Variants in TIGAR observed in about 807,000 individuals in gnomAD.
The protein encoded by TIGAR is TP53 induced glycolysis regulatory phosphatase, also known as fructose-2,6-bisphosphatase TIGAR.
A neutral mutation model predicts 17.9 loss-of-function variants in TIGAR; 7 were observed. That is an observed-to-expected ratio of 0.39 (90% CI 0.22 to 0.73). TIGAR has a LOEUF of 0.73. Among genes scored for constraint, TIGAR ranks in the 30% least tolerant of loss-of-function variants. The pLI, the probability that TIGAR is intolerant of heterozygous loss-of-function variation, is 0.42. For missense variants in TIGAR, 258 were observed against 327.4 expected (o/e 0.79, Z 1.64); for synonymous variants, 94 against 108.6 (o/e 0.87, Z 0.84).
rs528203442 is a variant in TIGAR at position 4,333,571 on chromosome 12, C to T, written c.70+2254C>T. 1.1e-3 allele frequency among the ~76,000 whole-genome samples: 170 copies of T among 152,234 alleles called. 1 individual carries two copies. The highest frequency in any genetic ancestry group is 4.0e-3 in the African/African-American group (166 of 41,546). ...GCAACCTCCACCTCCCGGGTTCAAGCGATTCTCCTGTCTCAGCCTCCTGAG... is the reference window on the plus strand; with the variant it reads ...GCAACCTCCACCTCCCGGGTTCAAGTGATTCTCCTGTCTCAGCCTCCTGAG... On this transcript the variant is annotated intron_variant, in intron 2 of 5. Coordinates refer to ENST00000179259, the MANE Select transcript of TIGAR (RefSeq NM_020375.3).
intron 3 of TIGAR, among the ~76,000 whole-genome samples, chr12:4,343,065 A>G (rs911220496): frequency 1.3e-5 from 2 of 152,160 alleles, no homozygotes; most frequent in Non-Finnish European, 2.9e-5. Context: ...ATGGAAAACA[A>G]AAAAAGGCAG....
intron 2 of TIGAR, among the ~76,000 whole-genome samples, chr12:4,333,576 C>T (rs910042014): frequency 2.6e-5 from 4 of 152,188 alleles, no homozygotes; most frequent in Non-Finnish European, 5.9e-5. Flanking sequence ...TCAAGCGATT[C>T]TCCTGTCTCA....
In TIGAR at chr12:4,352,491, C is replaced by G. The variant is rs1565451324; in HGVS notation, c.613C>G (p.Leu205Val). ...VVSHGAYMRS[L>V]FDYFLTDLKC... ...GAGTCACGGTGCTTACATGAGAAGT[C>G]TGTTTGATTATTTTCTGACTGACCT... The change falls in exon 6 of 6, where the codon CTG becomes GTG. Residue 205 changes from leucine (L) to valine (V), a missense_variant. Transcript: ENST00000179259. The G allele has an allele frequency of 1.9e-6, 3 of 1,614,114 alleles. No individual in the cohort carries two copies. In the South Asian group the frequency reaches 3.3e-5, roughly 18 times the overall value.
chr12:4,347,930 G>GT (rs1408709808), intron 3 of TIGAR, among the ~76,000 whole-genome samples: 1 of 152,132 alleles, frequency 6.6e-6, no homozygotes, highest in African/African-American at 2.4e-5. Context: ...GAGCTCAGGA[G>GT]TTTGAGACCA....
At chr12:4,343,490 A>C (rs1281567256) in intron 3 of TIGAR, among the ~76,000 whole-genome samples, 2 of 152,222 alleles carry the variant, frequency 1.3e-5, no homozygotes, top group Admixed American at 1.3e-4. Context: ...GAAGTAAAGC[A>C]TTCCTCAGCA....
intron 3 of TIGAR, among the ~76,000 whole-genome samples, chr12:4,344,165 A>G (rs529787731): frequency 3.6e-4 from 55 of 152,354 alleles, no homozygotes; most frequent in African/African-American, 1.2e-3. Flanking sequence ...CACCCTCCCA[A>G]GACTAAAACA....
At chr12:4,351,461 T>C (rs1013357552) in intron 5 of TIGAR, 84 bp downstream of exon 5, 9 of 1,069,468 alleles carry the variant, frequency 8.4e-6, no homozygotes, top group Non-Finnish European at 1.3e-5. Flanking sequence ...AGTTTGAAAG[T>C]TGCTTGGTTC....
chr12:4,342,513 C>G (rs189680037), intron 3 of TIGAR, among the ~76,000 whole-genome samples: 3 of 152,110 alleles, frequency 2.0e-5, no homozygotes, highest in Non-Finnish European at 2.9e-5. Flanking sequence ...ACAAAGGGAA[C>G]CCCATCAGAC....
chr12:4,338,156 G>A (rs1375067608), intron 3 of TIGAR, among the ~76,000 whole-genome samples: 2 of 151,850 alleles, frequency 1.3e-5, no homozygotes, highest in African/African-American at 2.4e-5. Context: ...AATTAAAAAC[G>A]AACCCAGTCT....
chr12:4,325,358 A>G (rs552982391), intron 1 of TIGAR, among the ~76,000 whole-genome samples: 3 of 152,332 alleles, frequency 2.0e-5, no homozygotes, highest in South Asian at 2.1e-4. Flanking sequence ...GCAAAATACT[A>G]TTAGCTCATC....
intron 3 of TIGAR, among the ~76,000 whole-genome samples, chr12:4,348,321 A>T (rs537515881): frequency 6.6e-6 from 1 of 152,326 alleles, no homozygotes; most frequent in South Asian, 2.1e-4. Context: ...AAGATCCAAG[A>T]AGTGTACCAA....
chr12:4,357,964 C>T lies in TIGAR; in HGVS notation c.*5273C>T, dbSNP rs1591668681. Among the ~76,000 whole-genome samples, 7 of 151,882 alleles carry T rather than the reference C, an allele frequency of 4.6e-5. No homozygotes were observed. The highest frequency in any genetic ancestry group is 4.6e-4 in the Admixed American group (7 of 15,246). On this transcript the variant is annotated 3_prime_UTR_variant, in exon 6 of 6. Coordinates refer to ENST00000179259, the MANE Select transcript of TIGAR (RefSeq NM_020375.3). ...TGAAAAATAGAAAAAATTAGCCAGG[C>T]CTGGTGGCCGGCGCCTGTAGTCCCA...
At chr12:4,340,439 T>C (rs564795241) in intron 3 of TIGAR, among the ~76,000 whole-genome samples, 67 of 152,332 alleles carry the variant, frequency 4.4e-4, no homozygotes, top group African/African-American at 1.5e-3. Flanking sequence ...ATTCATAGAT[T>C]AGAAGAGTCA....
chr12:4,323,736 T>G (rs1864506507), intron 1 of TIGAR, among the ~76,000 whole-genome samples: 1 of 152,250 alleles, frequency 6.6e-6, no homozygotes, highest in Non-Finnish European at 1.5e-5. Flanking sequence ...TTTAGTCTCT[T>G]AATATAATTG....
At chr12:4,323,102 CAAAA>C (rs574120048) in intron 1 of TIGAR, among the ~76,000 whole-genome samples, 1 of 90,968 alleles carries the variant, frequency 1.1e-5, no homozygotes. Context: ...CTCCTCTCTA[CAAAA>C]AAAAAAAAAA....
At chr12:4,347,345 TA>T (rs1225251545) in intron 3 of TIGAR, among the ~76,000 whole-genome samples, 1 of 151,946 alleles carries the variant, frequency 6.6e-6, no homozygotes, top group Non-Finnish European at 1.5e-5. Context: ...AGCAAAAAAT[TA>T]AAACAATTGA....
At chr12:4,351,740 T>C (rs1352323824) in intron 5 of TIGAR, among the ~76,000 whole-genome samples, 1 of 152,214 alleles carries the variant, frequency 6.6e-6, no homozygotes, top group African/African-American at 2.4e-5. Flanking sequence ...CTCAGCTCTG[T>C]TCATGGTGGC....
intron 3 of TIGAR, among the ~76,000 whole-genome samples, chr12:4,345,411 A>G (rs1864768781): frequency 6.6e-6 from 1 of 152,220 alleles, no homozygotes; most frequent in Non-Finnish European, 1.5e-5. Flanking sequence ...CAAAACAGAG[A>G]TATAGACCAA....
At chr12:4,325,669 G>A (rs1864538156) in intron 1 of TIGAR, among the ~76,000 whole-genome samples, 2 of 150,938 alleles carry the variant, frequency 1.3e-5, no homozygotes. Context: ...TTGAACCCGG[G>A]AGGTAGAGGT....
Sources: gnomAD v4.1 joint callset for allele counts (sites outside exome capture counted in the v4.1 genomes callset) on GRCh38, gnomAD v4.1.1 for gene constraint, MANE v1.5 for transcripts, NCBI Gene and HGNC (gene_info 2026-07-23, HGNC 2026-07-21) for gene names.